PPIL2: variants seen among roughly 807,000 people sequenced by gnomAD.
PPIL2 encodes the protein peptidylprolyl isomerase like 2, also known as RING-type E3 ubiquitin-protein ligase PPIL2.
A neutral mutation model predicts 75.2 loss-of-function variants in PPIL2; 50 were observed. That is an observed-to-expected ratio of 0.66 (90% CI 0.53 to 0.84). PPIL2 has a LOEUF of 0.84. Ranked by LOEUF, PPIL2 falls within the 40% of genes least tolerant of loss-of-function variation. The pLI is 0.00. For missense variants in PPIL2, 590 were observed against 685.0 expected (o/e 0.86, Z 1.55); for synonymous variants, 245 against 258.8 (o/e 0.95, Z 0.51).
In PPIL2 at chr22:21,682,439, A is replaced by C; in HGVS notation, c.390A>C (p.Ala130=). ...RTTGNVYAYE[A]VEQLNIKAKN... ...AAACCACTTCCTCCTGGCTATAGGC[A>C]GTGGAACAGCTAAATATCAAGGCCA... Residue 130 remains alanine (A), a splice_region_variant and synonymous_variant, in exon 8 of 20, where the codon GCA becomes GCC. Transcript: ENST00000398831. The C allele has an allele frequency of 1.9e-6, 3 of 1,613,714 alleles. No homozygotes were observed. In the South Asian group the frequency reaches 3.3e-5, roughly 18 times the overall value.
intron 6 of PPIL2, among the ~76,000 whole-genome samples, chr22:21,676,309 TTGTGTGTGTGTGTGTG>T (rs61112126): frequency 8.1e-6 from 1 of 123,018 alleles, no homozygotes; most frequent in African/African-American, 3.2e-5. Flanking sequence ...TTTATTTATT[TTGTGTGTGTGTGTGTG>T]TGTGTGTGTG....
In PPIL2 at chr22:21,696,974, T is replaced by A; in HGVS notation, c.*1484T>A. On this transcript the variant is annotated 3_prime_UTR_variant, in exon 20 of 20. Coordinates refer to ENST00000398831, the MANE Select transcript of PPIL2 (RefSeq NM_014337.4). ...CCTTCATCATGCTAAGAACAAGAAC[T>A]GCGCCATGGCTGGCTCCTTCTCTTC... 1 of 1,560,228 alleles carries A rather than the reference T, an allele frequency of 6.4e-7. No homozygotes were observed. The highest frequency in any genetic ancestry group is 8.7e-7 in the Non-Finnish European group (1 of 1,152,682).
rs1392439691 is a variant in PPIL2, at chr22:21,670,305, A to G, written c.83-261A>G. On this transcript the variant is annotated intron_variant, in intron 2 of 19. Coordinates refer to ENST00000398831, the MANE Select transcript of PPIL2 (RefSeq NM_014337.4). ...AGAATGATAATATTTTCAGCTGTCAAAACTATCAAGACTACAATAACAAGA... is the reference window on the plus strand; with the variant it reads ...AGAATGATAATATTTTCAGCTGTCAGAACTATCAAGACTACAATAACAAGA... 2.0e-6 allele frequency: 3 copies of G among 1,488,592 alleles called. No individual in the cohort carries two copies. The African/African-American group carries it at 4.2e-5, about 21-fold the overall frequency. The allele number at this position is 1,488,592 out of a possible 1,614,324, so 92.2% of individuals were successfully genotyped here.
chr22:21,667,929 C>G lies in PPIL2; in HGVS notation c.32+1798C>G, dbSNP rs186021554. ...TAGCTGGGATTATAGGTGCCTGCCA[C>G]CATGCCCATGCTAATTTTTGTATTT... is the stretch of plus-strand genomic sequence containing the variant. On this transcript the variant is annotated intron_variant, in intron 1 of 19. Coordinates refer to ENST00000398831, the MANE Select transcript of PPIL2 (RefSeq NM_014337.4). Among the ~76,000 whole-genome samples, 602 of 152,126 alleles carry G rather than the reference C, an allele frequency of 4.0e-3. 1 individual carries two copies. Among genetic ancestry groups the G allele is most frequent in the African/African-American group, 0.014 (567 of 41,508 alleles).
intron 9 of PPIL2, among the ~76,000 whole-genome samples, chr22:21,684,075 G>A (rs1394896135): frequency 1.3e-5 from 2 of 151,918 alleles, no homozygotes; most frequent in Non-Finnish European, 2.9e-5. Flanking sequence ...GGGTGTAGTT[G>A]GTGCGCCTGT....
chr22:21,686,561 A>G lies in PPIL2; in HGVS notation c.790+3A>G. 1 of 1,613,880 alleles carries G rather than the reference A, an allele frequency of 6.2e-7. No homozygotes were observed. The highest frequency in any genetic ancestry group is 8.5e-7 in the Non-Finnish European group (1 of 1,179,802). ...CCCGGAGACCACACATGAAGCAGGT[A>G]GCCACCTTGGCCTCTGTAGCCACCT... On this transcript the variant is annotated splice_donor_region_variant and intron_variant, in intron 11 of 19. Coordinates refer to ENST00000398831, the MANE Select transcript of PPIL2 (RefSeq NM_014337.4).
chr22:21,692,069 C>G (rs1470030029), intron 15 of PPIL2, among the ~76,000 whole-genome samples: 1 of 71,392 alleles, frequency 1.4e-5, no homozygotes, highest in Non-Finnish European at 3.7e-5. Flanking sequence ...CCATCGTTTT[C>G]TTTTCAGCCT....
Position 21,695,446 on chromosome 22 carries a change from A to C in PPIL2, c.1519A>C (p.Lys507Gln), listed in dbSNP as rs1453726352. 6.2e-7 allele frequency: 1 copy of C among 1,610,172 alleles called. No individual in the cohort carries two copies. Residue 507 changes from lysine (K) to glutamine (Q), a missense_variant, in exon 20 of 20, where the codon AAG becomes CAG. Coordinates refer to ENST00000398831, the MANE Select transcript of PPIL2 (RefSeq NM_014337.4). ...AACCAGTGCCACTGTCCCCATGTCC[A>C]AGAAGAAGCCCAGTCGGGGTTTTGG... ...PSTSATVPMS[K>Q]KKPSRGFGDF...
intron 2 of PPIL2, 22 bp downstream of exon 2, chr22:21,669,984 T>C: frequency 6.2e-7 from 1 of 1,607,006 alleles, no homozygotes; most frequent in Non-Finnish European, 8.5e-7. Context: ...AGTCTTTCTG[T>C]TCCCCGTTGG....
Position 21,684,929 on chromosome 22 carries a change from C to T in PPIL2, c.714+16C>T, listed in dbSNP as rs773591136. On this transcript the variant is annotated intron_variant, in intron 10 of 19. Coordinates refer to ENST00000398831, the MANE Select transcript of PPIL2 (RefSeq NM_014337.4). ...GCTGAACGCTGTGAGTGGCGGAGGG[C>T]ACTCGGCCAAGCCCAAGCCCCGTCT... 2.6e-5 allele frequency: 42 copies of T among 1,612,490 alleles called. No individual in the cohort carries two copies. Among genetic ancestry groups the T allele is most frequent in the Non-Finnish European group, 3.2e-5 (38 of 1,178,980 alleles).
Position 21,672,315 on chromosome 22 carries a change from C to G in PPIL2, c.192-15C>G. ...AAGCACCCTGGTGATGCTTTCTGTTCTGTCTTCCCTTCAGGAACATTGTTC... is the reference window on the plus strand; with the variant it reads ...AAGCACCCTGGTGATGCTTTCTGTTGTGTCTTCCCTTCAGGAACATTGTTC... On this transcript the variant is annotated splice_polypyrimidine_tract_variant and intron_variant, in intron 4 of 19. Coordinates refer to ENST00000398831, the MANE Select transcript of PPIL2 (RefSeq NM_014337.4). 1 of 1,607,934 alleles carries G rather than the reference C, an allele frequency of 6.2e-7. No individual in the cohort carries two copies. The highest frequency in any genetic ancestry group is 8.5e-7 in the Non-Finnish European group (1 of 1,174,640).
chr22:21,686,941 C>T lies in PPIL2; in HGVS notation c.840C>T (p.Gly280=), dbSNP rs1352482132. ...GCTACCAGTTTGTGAAGAAGAAGGG[C>T]TACGTGCGGCTGCACACCAACAAGG... ...VLRYQFVKKK[G]YVRLHTNKGD... The change falls in exon 12 of 20, where the codon GGC becomes GGT. Residue 280 remains glycine (G), a synonymous_variant. Transcript: ENST00000398831. 6.2e-7 allele frequency: 1 copy of T among 1,614,094 alleles called. No homozygotes were observed.
At chr22:21,698,709 G>C (rs1166798401), downstream of PPIL2, 2 of 152,422 alleles carry the variant, frequency 1.3e-5, no homozygotes, top group Admixed American at 6.5e-5. Context: ...GAAGCCACAG[G>C]CATTGCTAAC....
chr22:21,672,225 C>T, intron 4 of PPIL2, 105 bp from the exon 5 acceptor site: 1 of 920,120 alleles, frequency 1.1e-6, no homozygotes, highest in Non-Finnish European at 1.8e-6. Flanking sequence ...AAGCAAGACC[C>T]CTTCACAGGC....
intron 14 of PPIL2, among the ~76,000 whole-genome samples, chr22:21,688,338 T>C (rs2067467620): frequency 6.6e-6 from 1 of 152,198 alleles, no homozygotes; most frequent in South Asian, 2.1e-4. Flanking sequence ...GTCTCTTCCC[T>C]GGGCCCCTGG....
chr22:21,675,024 CT>C, intron 5 of PPIL2, 39 bp from the exon 6 acceptor site: 1 of 1,538,108 alleles, frequency 6.5e-7, no homozygotes, highest in Non-Finnish European at 9.0e-7. Flanking sequence ...GCATCAGTTA[CT>C]TATTCATTAT....
chr22:21,666,081 TCGC>T lies in PPIL2; in HGVS notation c.-9_-7del, dbSNP rs746580034. 1 of 1,611,702 alleles carries T rather than the reference TCGC, an allele frequency of 6.2e-7. No individual in the cohort carries two copies. The highest frequency in any genetic ancestry group is 8.5e-7 in the Non-Finnish European group (1 of 1,179,030). On this transcript the variant is annotated 5_prime_UTR_variant, in exon 1 of 20. Coordinates refer to ENST00000398831, the MANE Select transcript of PPIL2 (RefSeq NM_014337.4). ...GCCGTTGTTTTTTCGTGCTCGCTAGTCGCCGCCGCCGCTCCGCCATGGGGAAGC... is the reference window on the plus strand; with the variant it reads ...GCCGTTGTTTTTTCGTGCTCGCTAGTCGCCGCCGCTCCGCCATGGGGAAGC...
chr22:21,670,267 A>T, intron 2 of PPIL2: 1 of 1,358,184 alleles, frequency 7.4e-7, no homozygotes, highest in Non-Finnish European at 9.9e-7. Context: ...TATCAAGTTT[A>T]TAAGGAATAA....
intron 2 of PPIL2, chr22:21,670,218 G>A (rs402225): frequency 0.97 from 1,089,898 of 1,119,186 alleles, 531,411 homozygotes; most frequent in African/African-American, 1. Flanking sequence ...ATAAGTAAAT[G>A]AAATACAAAA....
Sources: allele counts gnomAD v4.1 joint callset (sites outside exome capture counted in the v4.1 genomes callset), GRCh38; gene constraint gnomAD v4.1.1; transcripts MANE v1.5; gene names NCBI Gene and HGNC (gene_info 2026-07-23, HGNC 2026-07-21).